Variants in AHR observed in about 807,000 individuals in gnomAD.
The protein encoded by AHR is AH-receptor.
A neutral mutation model predicts 86.8 loss-of-function variants in AHR; 40 were observed. The observed-to-expected ratio is 0.46, with a 90% CI of 0.36 to 0.60. The LOEUF is 0.60. Ranked by LOEUF, AHR falls within the 20% of genes least tolerant of loss-of-function variation. The pLI is 0.00. For missense variants in AHR, 1,001 were observed against 1,011.6 expected, an observed-to-expected ratio of 0.99 and a Z score of 0.14; for synonymous variants, 398 against 354.9, an observed-to-expected ratio of 1.12 and a Z score of -1.37.
At chr7:17,307,992 G>A (rs1782023167) in intron 1 of AHR, among the ~76,000 whole-genome samples, 2 of 152,064 alleles carry the variant, frequency 1.3e-5, no homozygotes, top group Non-Finnish European at 2.9e-5. Flanking sequence ...CCAGCATCAC[G>A]TCTGTCACCC....
chr7:17,335,724 T>C lies in AHR; in HGVS notation c.1098T>C (p.Asn366=). 1.9e-6 allele frequency: 3 copies of C among 1,612,432 alleles called. No individual in the cohort carries two copies. The highest frequency in any genetic ancestry group is 2.5e-6 in the Non-Finnish European group (3 of 1,178,996). ...ACCGATGGACTTGGGTCCAGTCTAA[T>C]GCACGCCTGCTTTATAAAAATGGAA... ...KNNRWTWVQS[N]ARLLYKNGRP... is the part of the protein sequence containing the mutation. The change falls in exon 9 of 11, where the codon AAT becomes AAC. Residue 366 remains asparagine, a synonymous_variant. Coordinates refer to ENST00000242057, the MANE Select transcript of AHR (RefSeq NM_001621.5).
chr7:17,324,099 C>A (rs1782203265), intron 3 of AHR, among the ~76,000 whole-genome samples: 1 of 152,058 alleles, frequency 6.6e-6, no homozygotes, highest in Non-Finnish European at 1.5e-5. Flanking sequence ...AATATGAATG[C>A]AAAGCTGTAA....
chr7:17,328,353 A>G (rs1782250615), intron 4 of AHR, among the ~76,000 whole-genome samples: 1 of 152,018 alleles, frequency 6.6e-6, no homozygotes, highest in South Asian at 2.1e-4. Context: ...GAAGTACTGT[A>G]AGCATTAGAC....
chr7:17,330,647 A>G (rs1269118696), intron 5 of AHR, 109 bp from the exon 6 acceptor site: 1 of 968,016 alleles, frequency 1.0e-6, no homozygotes, highest in Non-Finnish European at 1.4e-6. Flanking sequence ...ATTTTTTTGT[A>G]TTCAGAACAC....
At chr7:17,328,468 C>T (rs1300699513) in intron 4 of AHR, among the ~76,000 whole-genome samples, 1 of 151,916 alleles carries the variant, frequency 6.6e-6, no homozygotes, top group Non-Finnish European at 1.5e-5. Flanking sequence ...AGGGCAAGAA[C>T]ATCTTTTATG....
Position 17,298,882 on chromosome 7 carries a change from C to T in AHR, c.-383C>T, listed in dbSNP as rs1047820041. The T allele has an allele frequency of 2.5e-6, 1 of 398,748 alleles. No individual in the cohort carries two copies. The highest frequency in any genetic ancestry group is 4.4e-6 in the Non-Finnish European group (1 of 226,160). 24.7% of individuals were successfully genotyped at this position (398,748 alleles called of 1,614,324 possible). A position where few individuals can be genotyped will look rare whatever the true frequency, so the allele number is the denominator to read the frequency against. On this transcript the variant is annotated 5_prime_UTR_variant, in exon 1 of 11. Coordinates refer to ENST00000242057, the MANE Select transcript of AHR (RefSeq NM_001621.5). ...GCGACGGTCACGGGGCGCGGCGCCA[C>T]CGTGAGCGACCCAGGCCAGGATTCT...
At chr7:17,340,345 C>T in intron 10 of AHR, 117 bp downstream of exon 10, 7 of 1,324,730 alleles carry the variant, frequency 5.3e-6, no homozygotes, top group Non-Finnish European at 6.9e-6. Flanking sequence ...TTCATGGAGA[C>T]AGCATTTTTT....
chr7:17,316,415 T>C (rs1198604342), intron 2 of AHR, among the ~76,000 whole-genome samples: 1 of 152,042 alleles, frequency 6.6e-6, no homozygotes, highest in Non-Finnish European at 1.5e-5. Context: ...AAGCAGGAGT[T>C]CGAGACCAGC....
At chr7:17,299,414 T>A (rs1781930740) in intron 1 of AHR, 85 bp downstream of exon 1, 4 of 1,454,022 alleles carry the variant, frequency 2.8e-6, no homozygotes, top group Non-Finnish European at 3.7e-6. Flanking sequence ...CGCCCCCAAA[T>A]CCCTGCGATC....
Position 17,327,824 on chromosome 7 carries a change from A to G in AHR, c.426A>G (p.Ile142Met). 6.5e-7 allele frequency: 1 copy of G among 1,549,862 alleles called. No homozygotes were observed. The highest frequency in any genetic ancestry group is 8.8e-7 in the Non-Finnish European group (1 of 1,138,696). The change falls in exon 4 of 11, where the codon ATA becomes ATG. Residue 142 changes from isoleucine (I) to methionine (M), a missense_variant. Ile to Met is a conservative substitution (Grantham distance 10). This residue lies in a region of AHR where 394 missense variants were observed against 468.5 expected (regional missense o/e 0.84). Transcript: ENST00000242057. ...TGGTCTTTTATGCTTCTTCTACTAT[A>G]CAAGATTATCTAGGGTTTCAGCAGG... ...DALVFYASST[I>M]QDYLGFQQSD...
rs1306983277 is a variant in AHR at position 17,309,923 on chromosome 7, G to A, written c.66-13G>A. On this transcript the variant is annotated splice_polypyrimidine_tract_variant and intron_variant, in intron 1 of 10. Transcript: ENST00000242057. The stretch of plus-strand genomic sequence containing the variant: ...TTTAAAGGATTTTTTATGGTATTTT[G>A]TTTGTTTTTCAGAGTAAAGCCAATC... The A allele has an allele frequency of 6.6e-7, 1 of 1,522,110 alleles. No individual in the cohort carries two copies. The highest frequency in any genetic ancestry group is 2.3e-5 in the East Asian group (1 of 43,850). 94.3% of individuals were successfully genotyped at this position (1,522,110 alleles called of 1,614,324 possible).
chr7:17,299,443 C>T lies in AHR; in HGVS notation c.65+114C>T, dbSNP rs1442304187. On this transcript the variant is annotated intron_variant, in intron 1 of 10. Coordinates refer to ENST00000242057, the MANE Select transcript of AHR (RefSeq NM_001621.5). The stretch of plus-strand genomic sequence containing the variant: ...TGCGATCCTGGGATTAGGTCCATTC[C>T]CGGCACTGCCCGTGGAATCGAGGTT... The T allele has an allele frequency of 1.7e-5, 20 of 1,181,472 alleles. No homozygotes were observed. In the South Asian group the frequency reaches 2.3e-4, roughly 14 times the overall value. 73.2% of individuals were successfully genotyped at this position (1,181,472 alleles called of 1,614,324 possible). A position where few individuals can be genotyped will look rare whatever the true frequency, so the allele number is the denominator to read the frequency against.
intron 3 of AHR, among the ~76,000 whole-genome samples, chr7:17,324,445 A>G (rs973447788): frequency 2.0e-5 from 3 of 152,236 alleles, no homozygotes; most frequent in Non-Finnish European, 4.4e-5. Flanking sequence ...CATATGGCCT[A>G]AAACTTTTGA....
intron 10 of AHR, among the ~76,000 whole-genome samples, chr7:17,342,430 G>A (rs1002321283): frequency 6.6e-6 from 1 of 152,114 alleles, no homozygotes; most frequent in Non-Finnish European, 1.5e-5. Context: ...TACCTGTGGT[G>A]TAATATTTTA....
At chr7:17,315,501 T>TG in intron 2 of AHR, among the ~76,000 whole-genome samples, 1 of 152,002 alleles carries the variant, frequency 6.6e-6, no homozygotes, top group African/African-American at 2.4e-5. Context: ...TACCTAGTCT[T>TG]GCATGGTTCT....
At chr7:17,303,564 C>T (rs191447002) in intron 1 of AHR, among the ~76,000 whole-genome samples, 453 of 152,126 alleles carry the variant, frequency 3.0e-3, no homozygotes, top group Non-Finnish European at 4.8e-3. Context: ...ATTTGCTACC[C>T]ACCTCCCTTC....
chr7:17,321,635 A>G (rs1782174970), intron 2 of AHR, among the ~76,000 whole-genome samples: 1 of 141,180 alleles, frequency 7.1e-6, no homozygotes, highest in Admixed American at 7.1e-5. Context: ...GAAAAAAAAG[A>G]AGAGATAGCA....
chr7:17,344,489 A>G lies in AHR; in HGVS notation c.*1425A>G, dbSNP rs1782460591. The G allele has an allele frequency of 6.5e-6, 1 of 152,762 alleles. No individual in the cohort carries two copies. Among genetic ancestry groups the G allele is most frequent in the Non-Finnish European group, 1.5e-5 (1 of 68,036 alleles). The allele number at this position is 152,762 out of a possible 1,614,324, so 9.5% of individuals were successfully genotyped here. ...TTAAAGTTGGTATTAATAAAAAGAC[A>G]ACCACATAGTTCGTTTACCTTCAAA... is the stretch of plus-strand genomic sequence containing the variant. On this transcript the variant is annotated 3_prime_UTR_variant, in exon 11 of 11. Transcript: ENST00000242057.
chr7:17,334,707 A>C (rs1584040829), intron 7 of AHR, among the ~76,000 whole-genome samples, 180 bp from the exon 8 acceptor site: 1 of 152,058 alleles, frequency 6.6e-6, no homozygotes, highest in East Asian at 1.9e-4. Context: ...ATTTGCAATC[A>C]TAAGCAAAGA....
Sources: allele counts gnomAD v4.1 joint callset (sites outside exome capture counted in the v4.1 genomes callset), GRCh38; gene constraint gnomAD v4.1.1; regional missense constraint gnomAD v4.1.1; transcripts MANE v1.5; gene names NCBI Gene and HGNC (gene_info 2026-07-23, HGNC 2026-07-21).